CTTNBP2: variants seen among roughly 807,000 people sequenced by gnomAD.
CTTNBP2 encodes cortactin-binding protein 2.
A neutral mutation model predicts 156.9 loss-of-function variants in CTTNBP2; 108 were observed. The observed-to-expected ratio is 0.69, with a 90% CI of 0.59 to 0.81. The LOEUF is 0.81. Among genes scored for constraint, CTTNBP2 ranks in the 30% least tolerant of loss-of-function variants. The pLI, the probability that CTTNBP2 is intolerant of heterozygous loss-of-function variation, is 0.00. For synonymous variants in CTTNBP2, 767 were observed against 751.8 expected, an observed-to-expected ratio of 1.02 and a Z score of -0.33; for missense variants, 1,924 against 2,035.4, an observed-to-expected ratio of 0.95 and a Z score of 1.05.
At chr7:117,817,333 C>CAAAAAAA (rs1165563266) in intron 2 of CTTNBP2, among the ~76,000 whole-genome samples, 6 of 27,214 alleles carry the variant, frequency 2.2e-4, no homozygotes, top group Non-Finnish European at 3.3e-4. Flanking sequence ...GACTCCATCT[C>CAAAAAAA]AAAAAAAAAA....
At chr7:117,820,964 ATT>A (rs1232080046) in intron 2 of CTTNBP2, among the ~76,000 whole-genome samples, 7 of 152,096 alleles carry the variant, frequency 4.6e-5, no homozygotes, top group Admixed American at 4.6e-4. Context: ...TTTTGAATAT[ATT>A]TTGTTAGGTT....
At position 117,792,538 on chromosome 7, in the gene CTTNBP2, T is replaced by C. The variant is rs753491190; in HGVS notation, c.658A>G (p.Ser220Gly). 2.5e-5 allele frequency: 40 copies of C among 1,614,108 alleles called. No individual in the cohort carries two copies. In the Admixed American group the frequency reaches 3.0e-4, roughly 12 times the overall value. ...TCCATCTGAGCTTCCATTTCTGTGC[T>C]TCTTCGTTTCTCAGCGGAGAGTTCC... ...EEELSAEKRR[S>G]TEMEAQMEKQ... The change falls in exon 4 of 23, where the codon AGC becomes GGC. Residue 220 changes from serine to glycine, a missense_variant. Ser to Gly is a moderately conservative substitution (Grantham distance 56). Coordinates refer to ENST00000160373, the MANE Select transcript of CTTNBP2 (RefSeq NM_033427.3). This position sits in a 1 kb window ranked among gnomAD's most constrained non-coding sequence, Gnocchi z 4.2.
intron 22 of CTTNBP2, among the ~76,000 whole-genome samples, chr7:117,717,043 A>T (rs572062126): frequency 2.0e-5 from 3 of 152,400 alleles, no homozygotes; most frequent in African/African-American, 7.2e-5. Context: ...TGAACAAACC[A>T]TATATTACAA....
At chr7:117,775,867 TTA>T (rs1491013734) in intron 8 of CTTNBP2, among the ~76,000 whole-genome samples, 1 of 152,214 alleles carries the variant, frequency 6.6e-6, no homozygotes, top group East Asian at 1.9e-4. Context: ...CAGAATTTTT[TTA>T]TCTCTTTTGT....
chr7:117,729,167 G>C (rs1795267183), intron 16 of CTTNBP2, among the ~76,000 whole-genome samples: 1 of 152,216 alleles, frequency 6.6e-6, no homozygotes, highest in Non-Finnish European at 1.5e-5. Context: ...AGCTCAGACT[G>C]TTAGACATCG....
At chr7:117,790,980 CAA>C in intron 4 of CTTNBP2, 146 bp downstream of exon 4, 2 of 638,714 alleles carry the variant, frequency 3.1e-6, no homozygotes, top group Admixed American at 3.5e-5. Flanking sequence ...AAAAAAAATA[CAA>C]AAAAAGAGAG....
chr7:117,731,359 C>G (rs1436940196), intron 16 of CTTNBP2, among the ~76,000 whole-genome samples: 2 of 152,210 alleles, frequency 1.3e-5, no homozygotes, highest in Non-Finnish European at 2.9e-5. Context: ...ACACACTGAA[C>G]ACGTTTTTTT....
At chr7:117,775,556 G>T (rs1012176742) in intron 8 of CTTNBP2, among the ~76,000 whole-genome samples, 1 of 148,994 alleles carries the variant, frequency 6.7e-6, no homozygotes, top group Non-Finnish European at 1.5e-5. Context: ...GAACATCCTA[G>T]ATCAAGGGTG....
intron 3 of CTTNBP2, 57 bp downstream of exon 3, chr7:117,810,708 G>A: frequency 1.5e-6 from 2 of 1,371,724 alleles, no homozygotes; most frequent in Non-Finnish European, 1.0e-6. Flanking sequence ...CTTTGGAGGT[G>A]ATCTCCTCAT....
chr7:117,794,573 A>G (rs893938163), intron 3 of CTTNBP2, among the ~76,000 whole-genome samples: 1 of 152,230 alleles, frequency 6.6e-6, no homozygotes, highest in African/African-American at 2.4e-5. Flanking sequence ...CCCTGTTACA[A>G]AAATCCACGA....
intron 2 of CTTNBP2, among the ~76,000 whole-genome samples, chr7:117,854,973 T>G (rs527696656): frequency 2.0e-5 from 3 of 151,964 alleles, no homozygotes; most frequent in Admixed American, 6.6e-5. Flanking sequence ...TTAGTAGAGA[T>G]AGGGTTTCAC....
chr7:117,837,768 A>T (rs1158317138), intron 2 of CTTNBP2, among the ~76,000 whole-genome samples: 1 of 152,132 alleles, frequency 6.6e-6, no homozygotes, highest in African/African-American at 2.4e-5. Flanking sequence ...TTGTGGCATC[A>T]TGTTGGTACT....
At chr7:117,728,046 C>G (rs575641271) in intron 17 of CTTNBP2, 43 bp downstream of exon 17, 7 of 1,565,678 alleles carry the variant, frequency 4.5e-6, no homozygotes. Flanking sequence ...GAATTGGCCA[C>G]GTCTCTATCA....
At position 117,792,753 on chromosome 7, in the gene CTTNBP2, G is replaced by T; in HGVS notation, c.443C>A (p.Ala148Asp). Residue 148 changes from alanine (A) to aspartate (D), a missense_variant, in exon 4 of 23, where the codon GCC becomes GAC. By Grantham distance (126) the Ala-to-Asp change is moderately radical. Transcript: ENST00000160373. The surrounding 1 kb of genome is among the most constrained non-coding windows in gnomAD (Gnocchi z 4.2). Reference protein sequence around the residue: ...KLEMEKLQLQALEQEHKKLAA... With the variant: ...KLEMEKLQLQDLEQEHKKLAA... The stretch of plus-strand genomic sequence containing the variant: ...CAGCTTCTTGTGCTCTTGCTCAAGG[G>T]CTTGTAGCTGAAGCTTCTCCATTTC... 1.3e-6 allele frequency: 2 copies of T among 1,572,944 alleles called. No homozygotes were observed. Among genetic ancestry groups the T allele is most frequent in the African/African-American group, 1.4e-5 (1 of 72,958 alleles).
chr7:117,718,178 G>A, intron 21 of CTTNBP2, 59 bp from the exon 22 acceptor site: 1 of 1,021,480 alleles, frequency 9.8e-7, no homozygotes, highest in Non-Finnish European at 1.5e-6. Context: ...CATACTCAAG[G>A]CACAGCTAAA....
intron 22 of CTTNBP2, chr7:117,716,073 GAGA>G (rs1453188273): frequency 6.6e-6 from 1 of 151,976 alleles, no homozygotes; most frequent in East Asian, 1.9e-4. Flanking sequence ...GGCAAAGGGA[GAGA>G]AGACTAGGAG....
At chr7:117,867,539 T>C (rs1041178366) in intron 1 of CTTNBP2, among the ~76,000 whole-genome samples, 2 of 152,012 alleles carry the variant, frequency 1.3e-5, no homozygotes, top group Non-Finnish European at 2.9e-5. Context: ...ATGCTCCCCC[T>C]GCCCCCACCC....
chr7:117,786,565 C>G (rs574238441), intron 4 of CTTNBP2: 1 of 328,450 alleles, frequency 3.0e-6, no homozygotes, highest in South Asian at 2.6e-5. Flanking sequence ...ATGAAGGCAT[C>G]GCACTACAGT....
chr7:117,763,552 CTTCTTTTT>C (rs1435090824), intron 9 of CTTNBP2, among the ~76,000 whole-genome samples: 19 of 131,480 alleles, frequency 1.4e-4, no homozygotes, highest in African/African-American at 5.3e-4. Context: ...TTTTCTTCTT[CTTCTTTTT>C]TTTTTTTTTT....
Sources: allele counts gnomAD v4.1 joint callset (sites outside exome capture counted in the v4.1 genomes callset), GRCh38; gene constraint gnomAD v4.1.1; non-coding constraint Gnocchi (gnomAD v3.1); transcripts MANE v1.5; gene names NCBI Gene and HGNC (gene_info 2026-07-23, HGNC 2026-07-21).